Variants in KMT2B observed in about 807,000 individuals in gnomAD.
KMT2B encodes lysine methyltransferase 2B, also known as histone-lysine N-methyltransferase 2B.
In KMT2B, 22 loss-of-function variants were observed where a neutral mutation model predicts 255.3. The ratio of observed to expected loss-of-function variants is 0.09; its 90% CI spans 0.06 to 0.12. KMT2B has a LOEUF of 0.12. Ranked by LOEUF, KMT2B falls within the 10% of genes least tolerant of loss-of-function variation. KMT2B has a pLI of 1.00. For missense variants in KMT2B, 3,149 were observed against 3,737.0 expected, an observed-to-expected ratio of 0.84 and a Z score of 4.10; for synonymous variants, 1,730 against 1,498.1, an observed-to-expected ratio of 1.15 and a Z score of -3.57.
At chr19:35,726,164 C>A in intron 13 of KMT2B, 72 bp from the exon 14 acceptor site, 1 of 1,154,380 alleles carries the variant, frequency 8.7e-7, no homozygotes, top group Non-Finnish European at 1.3e-6. Context: ...CCAATTCCTC[C>A]TCGCCCGTCT....
In KMT2B at chr19:35,718,408, G is replaced by A; in HGVS notation, c.363+27G>A. The A allele has an allele frequency of 8.0e-7, 1 of 1,247,456 alleles. No individual in the cohort carries two copies. Among genetic ancestry groups the A allele is most frequent in the Non-Finnish European group, 1.0e-6 (1 of 986,938 alleles). The allele number at this position is 1,247,456 out of a possible 1,614,324, so 77.3% of individuals were successfully genotyped here. A position where few individuals can be genotyped will look rare whatever the true frequency, so the allele number is the denominator to read the frequency against. ...TGAGGCGGTTGGAGGCGTCCCCGGCGCCGGGTGGGGCGGAGGCCGGGGCTT... is the reference window on the plus strand; with the variant it reads ...TGAGGCGGTTGGAGGCGTCCCCGGCACCGGGTGGGGCGGAGGCCGGGGCTT... On this transcript the variant is annotated intron_variant, in intron 1 of 36. Transcript: ENST00000420124. This position sits in a 1 kb window ranked among gnomAD's most constrained non-coding sequence, Gnocchi z 5.0.
Position 35,738,107 on chromosome 19 carries a change from C to G in KMT2B, c.7788C>G (p.Asp2596Glu). The G allele has an allele frequency of 1.2e-6, 2 of 1,613,838 alleles. No homozygotes were observed. The highest frequency in any genetic ancestry group is 2.2e-5 in the South Asian group (2 of 91,072). ...GRGLFCKRNI[D>E]AGEMVIEYSG... ...GCCTGTTCTGTAAGCGCAACATCGA[C>G]GCGGGGGAGATGGTCATCGAGTACT... is the stretch of plus-strand genomic sequence containing the variant. The change falls in exon 36 of 37, where the codon GAC (aspartate) becomes GAG (glutamate). Residue 2596 changes from aspartate (D) to glutamate (E), a missense_variant. Physicochemically the swap from Asp to Glu is conservative, Grantham distance 45 (BLOSUM62 2). Around this residue, in one of 18 missense-constraint regions of KMT2B, gnomAD observed 56 missense variants for 238.8 expected, o/e 0.23. Transcript: ENST00000420124. The surrounding 1 kb of genome is among the most constrained non-coding windows in gnomAD (Gnocchi z 8.7).
Position 35,733,627 on chromosome 19 carries a change from A to G in KMT2B, c.6990A>G (p.Thr2330=). Residue 2330 remains threonine, a synonymous_variant, in exon 29 of 37, where the codon ACA becomes ACG. Transcript: ENST00000420124. The surrounding 1 kb of genome is among the most constrained non-coding windows in gnomAD (Gnocchi z 4.3). ...GCCGTGTGAGGATGAAAACCCCCAC[A>G]GTGCGTGGGGTCCTTGACCTGGATC... ...GFSRVRMKTP[T]VRGVLDLDRP... 6.3e-7 allele frequency: 1 copy of G among 1,592,950 alleles called. No homozygotes were observed. Among genetic ancestry groups the G allele is most frequent in the Non-Finnish European group, 8.5e-7 (1 of 1,170,004 alleles).
intron 26 of KMT2B, among the ~76,000 whole-genome samples, chr19:35,731,274 C>T (rs1250363398): frequency 6.6e-6 from 1 of 152,224 alleles, no homozygotes; most frequent in African/African-American, 2.4e-5. Context: ...CCCAAACCGG[C>T]CCCCTTACAG....
Position 35,721,237 on chromosome 19 carries a change from C to T in KMT2B, c.1890C>T (p.Ala630=). Residue 630 remains alanine, a synonymous_variant, in exon 3 of 37, where the codon GCC becomes GCT. Transcript: ENST00000420124. ...CCCCAGCCCCTCCACCTCCCCCGGC[C>T]CCCTCCCCACCCCCTGCTCCTGCCA... ...PPPPAPPPPP[A]PSPPPAPATS... is the part of the protein sequence containing the mutation. The T allele has an allele frequency of 6.9e-7, 1 of 1,458,926 alleles. No homozygotes were observed. The highest frequency in any genetic ancestry group is 9.3e-7 in the Non-Finnish European group (1 of 1,078,570). The allele number at this position is 1,458,926 out of a possible 1,614,324, so 90.4% of individuals were successfully genotyped here.
Position 35,732,454 on chromosome 19 carries a change from C to G in KMT2B, c.5905C>G (p.Pro1969Ala), listed in dbSNP as rs767943155. 3 of 1,613,774 alleles carry G rather than the reference C, an allele frequency of 1.9e-6. No individual in the cohort carries two copies. Among genetic ancestry groups the G allele is most frequent in the Non-Finnish European group, 2.5e-6 (3 of 1,179,784 alleles). Residue 1969 changes from proline to alanine, a missense_variant, in exon 28 of 37, where the codon CCC (proline) becomes GCC (alanine). By Grantham distance (27) the Pro-to-Ala change is conservative. Around this residue, in one of 18 missense-constraint regions of KMT2B, gnomAD observed 897 missense variants for 825.3 expected, o/e 1.09. Coordinates refer to ENST00000420124, the MANE Select transcript of KMT2B (RefSeq NM_014727.3). Reference protein sequence around the residue: ...APPGPAPSPPPPEDLGPDFED... With the variant: ...APPGPAPSPPAPEDLGPDFED... ...CCCTGGCCCGGCCCCATCTCCACCACCCCCTGAAGACCTGGGCCCAGACTT... is the reference window on the plus strand; with the variant it reads ...CCCTGGCCCGGCCCCATCTCCACCAGCCCCTGAAGACCTGGGCCCAGACTT...
chr19:35,735,999 T>A (rs566963755), intron 30 of KMT2B: 1 of 152,660 alleles, frequency 6.6e-6, no homozygotes, highest in Non-Finnish European at 1.5e-5. Context: ...GCACAGTGGC[T>A]CACGCCTGTA....
chr19:35,727,942 C>T lies in KMT2B; in HGVS notation c.4454C>T (p.Pro1485Leu), dbSNP rs569194163. The T allele has an allele frequency of 1.3e-5, 21 of 1,590,492 alleles. 2 individuals are homozygous for T. The highest frequency in any genetic ancestry group is 6.7e-5 in the African/African-American group (5 of 74,606). ...CGGCACTCGGAGGAGGGAGAGACCC[C>T]GGACCGCCGGGCTGGAGGCCAGATG... ...LMRHSEEGET[P>L]DRRAGGQMKG... Residue 1485 changes from proline (P) to leucine (L), a missense_variant, in exon 18 of 37, where the codon CCG (proline) becomes CTG (leucine). Coordinates refer to ENST00000420124, the MANE Select transcript of KMT2B (RefSeq NM_014727.3). This position sits in a 1 kb window ranked among gnomAD's most constrained non-coding sequence, Gnocchi z 4.2.
At chr19:35,728,676 G>T (rs1419442327) in intron 19 of KMT2B, 98 bp from the exon 20 acceptor site, 26 of 814,696 alleles carry the variant, frequency 3.2e-5, no homozygotes, top group Non-Finnish European at 4.4e-5. Flanking sequence ...TAGAGAGGGA[G>T]TAGCGGGTGT....
At chr19:35,722,970 C>T (rs751072133) in intron 5 of KMT2B, 25 bp from the exon 6 acceptor site, 1 of 1,520,914 alleles carries the variant, frequency 6.6e-7, no homozygotes. Flanking sequence ...TGGCTCCATC[C>T]CCTCCTCCCT....
At chr19:35,728,699 A>C (rs1969564707) in intron 19 of KMT2B, 75 bp from the exon 20 acceptor site, 2 of 1,099,312 alleles carry the variant, frequency 1.8e-6, no homozygotes, top group Non-Finnish European at 2.8e-6. Context: ...TGGCGAGTTC[A>C]GGCTGGTTTG....
Position 35,722,350 on chromosome 19 carries a change from C to A in KMT2B, c.2458-9C>A. 1 of 1,602,408 alleles carries A rather than the reference C, an allele frequency of 6.2e-7. No homozygotes were observed. Among genetic ancestry groups the A allele is most frequent in the South Asian group, 1.1e-5 (1 of 89,564 alleles). On this transcript the variant is annotated splice_polypyrimidine_tract_variant and intron_variant, in intron 3 of 36. Coordinates refer to ENST00000420124, the MANE Select transcript of KMT2B (RefSeq NM_014727.3). ...TGTCCAGCCCCTGACCCTGTTTATT[C>A]CCTGCCAGCTGAGCCCTGGAGGGCA...
At chr19:35,735,437 C>T (rs1486391657) in intron 30 of KMT2B, 1 of 152,378 alleles carries the variant, frequency 6.6e-6, no homozygotes, top group East Asian at 1.9e-4. Context: ...TCCAAGGCTG[C>T]TCCTGCTCTC....
Position 35,720,825 on chromosome 19 carries a change from C to T in KMT2B, c.1478C>T (p.Ser493Phe), listed in dbSNP as rs757068223. 1.3e-6 allele frequency: 2 copies of T among 1,540,514 alleles called. No homozygotes were observed. Among genetic ancestry groups the T allele is most frequent in the African/African-American group, 2.7e-5 (2 of 72,952 alleles). ...GCTCGGGCAGGGCCAGAGGGCACCTCTCCTCCCACTCCAACCCCCAGCACC... is the reference window on the plus strand; with the variant it reads ...GCTCGGGCAGGGCCAGAGGGCACCTTTCCTCCCACTCCAACCCCCAGCACC... ...EAARAGPEGT[S>F]PPTPTPSTAT... The change falls in exon 3 of 37, where the codon TCT (serine) becomes TTT (phenylalanine). Residue 493 changes from serine to phenylalanine, a missense_variant. By Grantham distance (155) the Ser-to-Phe change is radical. Around this residue, in one of 18 missense-constraint regions of KMT2B, gnomAD observed 1,188 missense variants for 1,106.4 expected, o/e 1.07. Transcript: ENST00000420124.
At position 35,727,301 on chromosome 19, in the gene KMT2B, C is replaced by A; in HGVS notation, c.4117+32C>A. 1.3e-6 allele frequency: 2 copies of A among 1,595,728 alleles called. No individual in the cohort carries two copies. The highest frequency in any genetic ancestry group is 1.7e-6 in the Non-Finnish European group (2 of 1,163,980). ...CAGTGGAGCACCTGGGCTGCAGCCT[C>A]AACCCTGTGGGGACCCCTGCCCCCA... On this transcript the variant is annotated intron_variant, in intron 15 of 36. Coordinates refer to ENST00000420124, the MANE Select transcript of KMT2B (RefSeq NM_014727.3). The surrounding 1 kb of genome is among the most constrained non-coding windows in gnomAD (Gnocchi z 4.2).
In KMT2B at chr19:35,720,098, G is replaced by A. The variant is rs1364607948; in HGVS notation, c.751G>A (p.Glu251Lys). Residue 251 changes from glutamate to lysine, a missense_variant, in exon 3 of 37, where the codon GAG becomes AAG. Physicochemically the swap from Glu to Lys is moderately conservative, Grantham distance 56. Transcript: ENST00000420124. ...AEAAVTIPKP[E>K]PPPPVVPVKH... ...AGCAGCTGTGACAATCCCCAAACCT[G>A]AGCCCCCACCTCCTGTGGTTCCAGT... The A allele has an allele frequency of 1.9e-6, 3 of 1,601,864 alleles. No homozygotes were observed. The highest frequency in any genetic ancestry group is 2.6e-6 in the Non-Finnish European group (3 of 1,174,258).
chr19:35,726,418 G>C (rs1448584520), intron 14 of KMT2B, 65 bp downstream of exon 14: 1 of 1,068,466 alleles, frequency 9.4e-7, no homozygotes, highest in African/African-American at 1.6e-5. Flanking sequence ...TCTTTTACAG[G>C]CTTTAGCACA....
Position 35,720,631 on chromosome 19 carries a change from C to G in KMT2B, c.1284C>G (p.Leu428=). ...CTTCGACATCTCCTCCACCCCCACT[C>G]TGCCCTCCACCACCACCCCCAGTGT... ...PPPSTSPPPP[L]CPPPPPPVSP... Residue 428 remains leucine (L), a synonymous_variant, in exon 3 of 37, where the codon CTC becomes CTG. Transcript: ENST00000420124. 6.9e-7 allele frequency: 1 copy of G among 1,450,094 alleles called. No individual in the cohort carries two copies. The highest frequency in any genetic ancestry group is 9.2e-7 in the Non-Finnish European group (1 of 1,089,478). The allele number at this position is 1,450,094 out of a possible 1,614,324, so 89.8% of individuals were successfully genotyped here.
In KMT2B at chr19:35,725,871, C is replaced by G; in HGVS notation, c.3885+53C>G. ...TTGTCTCTAATGAATATCACCACCACCCCCAAACTTGCTCTAGGCTGGGGC... is the reference window on the plus strand; with the variant it reads ...TTGTCTCTAATGAATATCACCACCAGCCCCAAACTTGCTCTAGGCTGGGGC... On this transcript the variant is annotated intron_variant, in intron 13 of 36. Coordinates refer to ENST00000420124, the MANE Select transcript of KMT2B (RefSeq NM_014727.3). The surrounding 1 kb of genome is among the most constrained non-coding windows in gnomAD (Gnocchi z 4.1). 7.0e-7 allele frequency: 1 copy of G among 1,434,220 alleles called. No individual in the cohort carries two copies. The highest frequency in any genetic ancestry group is 9.6e-7 in the Non-Finnish European group (1 of 1,040,944). The allele number at this position is 1,434,220 out of a possible 1,614,324, so 88.8% of individuals were successfully genotyped here.
Sources: allele counts gnomAD v4.1 joint callset (sites outside exome capture counted in the v4.1 genomes callset), GRCh38; gene constraint gnomAD v4.1.1; regional missense constraint gnomAD v4.1.1; non-coding constraint Gnocchi (gnomAD v3.1); transcripts MANE v1.5; gene names NCBI Gene and HGNC (gene_info 2026-07-23, HGNC 2026-07-21).